Variants in KDM4C observed in about 807,000 individuals in gnomAD.
The protein encoded by KDM4C is lysine-specific demethylase 4C.
In KDM4C, 81 loss-of-function variants were observed where a neutral mutation model predicts 129.3. The ratio of observed to expected loss-of-function variants is 0.63; its 90% CI spans 0.52 to 0.75. The LOEUF (loss-of-function observed/expected upper bound fraction) is 0.75, where lower values mean the gene tolerates loss of function less well. KDM4C is among the 30% of genes least tolerant of loss of function. The pLI is 0.00. For synonymous variants in KDM4C, 573 were observed against 456.1 expected, an observed-to-expected ratio of 1.26 and a Z score of -3.26; for missense variants, 1,457 against 1,304.0, an observed-to-expected ratio of 1.12 and a Z score of -1.81.
intron 2 of KDM4C, among the ~76,000 whole-genome samples, chr9:6,796,304 G>T (rs748523740): frequency 1.2e-4 from 19 of 152,164 alleles, no homozygotes; most frequent in Non-Finnish European, 1.9e-4. Context: ...TTTTAGCCGG[G>T]CTTGGAGGTG....
intron 1 of KDM4C, among the ~76,000 whole-genome samples, chr9:6,734,160 TAAC>T (rs1333823925): frequency 1.3e-5 from 2 of 152,062 alleles, no homozygotes; most frequent in East Asian, 3.8e-4. Flanking sequence ...ACACACAACT[TAAC>T]AAGGCACCTT....
intron 5 of KDM4C, among the ~76,000 whole-genome samples, chr9:6,875,878 T>G (rs1588876069): frequency 6.6e-6 from 1 of 152,178 alleles, no homozygotes; most frequent in African/African-American, 2.4e-5. Context: ...TGTTTTAAAG[T>G]GATTCTTACT....
At chr9:6,945,774 T>A (rs1394980948) in intron 8 of KDM4C, among the ~76,000 whole-genome samples, 1 of 152,278 alleles carries the variant, frequency 6.6e-6, no homozygotes, top group East Asian at 1.9e-4. Flanking sequence ...ATAGTGGAAA[T>A]AATCTTAACA....
chr9:7,058,503 C>T (rs940374586), intron 17 of KDM4C, among the ~76,000 whole-genome samples: 1 of 152,158 alleles, frequency 6.6e-6, no homozygotes, highest in African/African-American at 2.4e-5. Flanking sequence ...GAAGATCTAG[C>T]AGTCGCTCTC....
chr9:6,759,085 A>G (rs756397864), intron 1 of KDM4C, among the ~76,000 whole-genome samples: 21 of 152,108 alleles, frequency 1.4e-4, no homozygotes, highest in Non-Finnish European at 2.9e-4. Context: ...CTTCTTCCGG[A>G]AGAGACAAGG....
intron 1 of KDM4C, among the ~76,000 whole-genome samples, chr9:6,733,833 C>A (rs552434545): frequency 1.3e-5 from 2 of 152,244 alleles, no homozygotes; most frequent in East Asian, 3.9e-4. Flanking sequence ...ATTCATGCCT[C>A]CCCTTTTTAG....
At chr9:7,057,793 G>T (rs1337798996) in intron 17 of KDM4C, among the ~76,000 whole-genome samples, 1 of 152,196 alleles carries the variant, frequency 6.6e-6, no homozygotes, top group African/African-American at 2.4e-5. Flanking sequence ...TTCTGCAAAC[G>T]TCTGAGATTC....
intron 8 of KDM4C, among the ~76,000 whole-genome samples, chr9:6,908,766 A>G (rs1351847752): frequency 1.3e-5 from 2 of 152,164 alleles, no homozygotes; most frequent in Non-Finnish European, 2.9e-5. Context: ...CTGGGTTTGA[A>G]TCCTAGCATT....
rs573342551 is a variant in KDM4C, at chr9:6,748,962, C to A, written c.49+27965C>A. 9.0e-5 allele frequency: 77 copies of A among 856,184 alleles called. No homozygotes were observed. The South Asian group carries it at 9.9e-4, about 11-fold the overall frequency. 53.0% of individuals were successfully genotyped at this position (856,184 alleles called of 1,614,324 possible). On this transcript the variant is annotated intron_variant, in intron 1 of 17. Transcript: ENST00000536108. ...CACCATAACCTTCTGCACTTTCTGG[C>A]CCTGGCCACTGTATGCCATGGTGGA...
At chr9:6,925,102 C>G in intron 8 of KDM4C, 1 of 985,376 alleles carries the variant, frequency 1.0e-6, no homozygotes, top group African/African-American at 1.7e-5. Context: ...CTAGTACAGA[C>G]CATGCATTTT....
intron 8 of KDM4C, among the ~76,000 whole-genome samples, chr9:6,958,263 T>C (rs1409305848): frequency 6.6e-6 from 1 of 152,150 alleles, no homozygotes; most frequent in Non-Finnish European, 1.5e-5. Context: ...ATTATTTAAC[T>C]ACTGTGACAG....
intron 5 of KDM4C, among the ~76,000 whole-genome samples, chr9:6,851,018 G>A (rs1300952067): frequency 6.6e-6 from 1 of 151,844 alleles, no homozygotes. Context: ...GCCTCCCAAA[G>A]TGCTGAAATT....
At chr9:7,172,840 G>A (rs1845098655) in intron 21 of KDM4C, among the ~76,000 whole-genome samples, 1 of 152,238 alleles carries the variant, frequency 6.6e-6, no homozygotes, top group African/African-American at 2.4e-5. Context: ...AGGGGAAGCA[G>A]TCTCAGCACA....
chr9:7,059,730 T>G (rs1273935239), intron 17 of KDM4C, among the ~76,000 whole-genome samples: 1 of 152,232 alleles, frequency 6.6e-6, no homozygotes, highest in Non-Finnish European at 1.5e-5. Context: ...CTCTCTTTTA[T>G]TAAACTGGGC....
chr9:7,174,904 A>T lies in KDM4C; in HGVS notation c.*175A>T. On this transcript the variant is annotated 3_prime_UTR_variant, in exon 22 of 22. Coordinates refer to ENST00000381309, the MANE Select transcript of KDM4C (RefSeq NM_015061.6). The stretch of plus-strand genomic sequence containing the variant: ...CCAAAAATACAAAATACACCCAATG[A>T]ATTGGACGCAGCAATCTGAAATCAT... 1.9e-6 allele frequency: 1 copy of T among 529,412 alleles called. No homozygotes were observed. Among genetic ancestry groups the T allele is most frequent in the Non-Finnish European group, 3.4e-6 (1 of 294,702 alleles). 32.8% of individuals were successfully genotyped at this position (529,412 alleles called of 1,614,324 possible). A position where few individuals can be genotyped will look rare whatever the true frequency, so the allele number is the denominator to read the frequency against.
chr9:7,046,287 G>A (rs940061572), intron 15 of KDM4C, among the ~76,000 whole-genome samples: 3 of 151,934 alleles, frequency 2.0e-5, no homozygotes, highest in Admixed American at 6.6e-5. Context: ...CTGTTTTCTC[G>A]GGCCGGATAG....
intron 15 of KDM4C, among the ~76,000 whole-genome samples, chr9:7,046,263 A>G (rs1210391866): frequency 2.6e-5 from 4 of 151,900 alleles, no homozygotes; most frequent in African/African-American, 7.2e-5. Flanking sequence ...GATAAAGCAA[A>G]ACGTTTCTTG....
chr9:6,947,850 G>A (rs1361269888), intron 8 of KDM4C, among the ~76,000 whole-genome samples: 2 of 151,966 alleles, frequency 1.3e-5, no homozygotes, highest in African/African-American at 2.4e-5. Context: ...CAGCTTGTTA[G>A]GAGATTATAA....
At chr9:7,009,882 G>C (rs1272184282) in intron 12 of KDM4C, among the ~76,000 whole-genome samples, 2 of 151,720 alleles carry the variant, frequency 1.3e-5, no homozygotes, top group African/African-American at 4.8e-5. Flanking sequence ...CATAGACTCA[G>C]AACAATTTGA....
Sources: gnomAD v4.1 joint callset for allele counts (sites outside exome capture counted in the v4.1 genomes callset) on GRCh38, gnomAD v4.1.1 for gene constraint, MANE v1.5 for transcripts, NCBI Gene and HGNC (gene_info 2026-07-23, HGNC 2026-07-21) for gene names.